The following CFAP299 variants were observed in gnomAD, a reference collection of about 807,000 sequenced individuals.
The protein encoded by CFAP299 is cilia- and flagella-associated protein 299.
Under a neutral mutation model 27.0 loss-of-function variants are expected in CFAP299, and 21 were observed. The observed-to-expected ratio is 0.78, with a 90% CI of 0.55 to 1.12. CFAP299 has a LOEUF of 1.12. CFAP299 is among the 50% of genes most tolerant of loss of function. The pLI, the probability that CFAP299 is intolerant of heterozygous loss-of-function variation, is 0.00. For missense variants in CFAP299, 310 were observed against 276.6 expected (o/e 1.12, Z -0.86); for synonymous variants, 104 against 98.1 (o/e 1.06, Z -0.36).
At chr4:80,713,430 A>G (rs1274640885) in intron 3 of CFAP299, among the ~76,000 whole-genome samples, 2 of 152,212 alleles carry the variant, frequency 1.3e-5, no homozygotes, top group Non-Finnish European at 2.9e-5. Flanking sequence ...AACTGTTCTT[A>G]TTCCATCATA....
intron 3 of CFAP299, among the ~76,000 whole-genome samples, chr4:80,724,840 T>G (rs1236920152): frequency 6.6e-6 from 1 of 151,798 alleles, no homozygotes; most frequent in East Asian, 1.9e-4. Context: ...TTTCTTTATT[T>G]CCTTCATTCC....
chr4:80,526,489 A>G (rs1342409563), intron 2 of CFAP299, among the ~76,000 whole-genome samples: 1 of 152,166 alleles, frequency 6.6e-6, no homozygotes, highest in Non-Finnish European at 1.5e-5. Context: ...ATATCTAAAT[A>G]AGTCATCTTC....
At chr4:80,647,807 C>T (rs1365755212) in intron 3 of CFAP299, among the ~76,000 whole-genome samples, 1 of 152,228 alleles carries the variant, frequency 6.6e-6, no homozygotes, top group Non-Finnish European at 1.5e-5. Flanking sequence ...GGCACAGTGG[C>T]TCATGCCTGT....
intron 3 of CFAP299, among the ~76,000 whole-genome samples, chr4:80,590,618 CAG>C (rs1278490872): frequency 6.6e-6 from 1 of 152,134 alleles, no homozygotes; most frequent in African/African-American, 2.4e-5. Flanking sequence ...GCCTGGATGA[CAG>C]AGTTGAGACT....
At chr4:80,909,101 C>T (rs534648634) in intron 4 of CFAP299, among the ~76,000 whole-genome samples, 1 of 152,174 alleles carries the variant, frequency 6.6e-6, no homozygotes, top group South Asian at 2.1e-4. Context: ...TTTACAAAAG[C>T]AAAACCTGTA....
intron 2 of CFAP299, among the ~76,000 whole-genome samples, chr4:80,376,359 T>C (rs1724409427): frequency 6.6e-6 from 1 of 152,244 alleles, no homozygotes; most frequent in Admixed American, 6.5e-5. Context: ...CTTTTCCAAA[T>C]AAACTTCCTG....
chr4:80,891,788 A>T (rs1184174771), intron 4 of CFAP299, among the ~76,000 whole-genome samples: 2 of 114,992 alleles, frequency 1.7e-5, no homozygotes, highest in African/African-American at 9.6e-5. Flanking sequence ...TAAAAAAAAA[A>T]TAAAAAAAAA....
chr4:80,678,395 C>T (rs748210088), intron 3 of CFAP299, among the ~76,000 whole-genome samples: 6 of 151,970 alleles, frequency 3.9e-5, no homozygotes, highest in Non-Finnish European at 7.4e-5. Context: ...TTCCTAGTTA[C>T]CTAATAAAGT....
At chr4:80,866,442 ACT>A (rs1024788823) in intron 3 of CFAP299, among the ~76,000 whole-genome samples, 28 of 152,102 alleles carry the variant, frequency 1.8e-4, no homozygotes, top group African/African-American at 6.8e-4. Context: ...TGCTCTACAT[ACT>A]TAAAGGAGAA....
intron 3 of CFAP299, among the ~76,000 whole-genome samples, chr4:80,632,864 G>T (rs1173652259): frequency 6.6e-6 from 1 of 151,970 alleles, no homozygotes; most frequent in Non-Finnish European, 1.5e-5. Context: ...TGAAGTAAAG[G>T]AAAGACCTTG....
At chr4:80,871,458 G>A in intron 4 of CFAP299, 1 of 985,324 alleles carries the variant, frequency 1.0e-6, no homozygotes. Context: ...ATAACTTATG[G>A]TTTCCAAACT....
At chr4:80,959,043 T>C (rs915755836) in intron 5 of CFAP299, among the ~76,000 whole-genome samples, 1 of 152,114 alleles carries the variant, frequency 6.6e-6, no homozygotes, top group African/African-American at 2.4e-5. Flanking sequence ...GAGTTTATAG[T>C]AAGAATAATG....
chr4:80,399,047 TC>T (rs141848636), intron 2 of CFAP299, among the ~76,000 whole-genome samples: 107,347 of 151,898 alleles, frequency 0.71, 39,057 homozygotes, highest in Admixed American at 0.79. Flanking sequence ...AACAGACACT[TC>T]TCAAAAGAAG....
chr4:80,690,977 C>T (rs1227421084), intron 3 of CFAP299, among the ~76,000 whole-genome samples: 1 of 148,954 alleles, frequency 6.7e-6, no homozygotes, highest in Non-Finnish European at 1.5e-5. Context: ...CATACACTAT[C>T]CCAAGACTAA....
intron 3 of CFAP299, among the ~76,000 whole-genome samples, chr4:80,674,940 T>A (rs1719331254): frequency 6.6e-6 from 1 of 152,170 alleles, no homozygotes; most frequent in Non-Finnish European, 1.5e-5. Context: ...TTTTCAAGGT[T>A]TTTAGCTTCC....
chr4:80,487,367 A>G (rs914476870), intron 2 of CFAP299, among the ~76,000 whole-genome samples: 1 of 152,226 alleles, frequency 6.6e-6, no homozygotes, highest in African/African-American at 2.4e-5. Context: ...TTTAATTTAC[A>G]GAGGCTATCA....
chr4:80,838,700 G>A (rs1054368685), intron 3 of CFAP299, among the ~76,000 whole-genome samples: 2 of 152,170 alleles, frequency 1.3e-5, no homozygotes, highest in African/African-American at 4.8e-5. Context: ...GTAGTGTGAT[G>A]CCTCCAGCCT....
intron 1 of CFAP299, among the ~76,000 whole-genome samples, chr4:80,357,800 T>A (rs1180980908): frequency 6.6e-6 from 1 of 152,142 alleles, no homozygotes; most frequent in East Asian, 1.9e-4. Flanking sequence ...TATTTGTTGA[T>A]CTTTTGAATT....
At chr4:80,578,457 C>T (rs1735988990) in intron 2 of CFAP299, among the ~76,000 whole-genome samples, 1 of 152,094 alleles carries the variant, frequency 6.6e-6, no homozygotes, top group Non-Finnish European at 1.5e-5. Context: ...AGATCCTTAT[C>T]CTCTCTGTCC....
Sources: gnomAD v4.1 joint callset for allele counts (sites outside exome capture counted in the v4.1 genomes callset) on GRCh38, gnomAD v4.1.1 for gene constraint, MANE v1.5 for transcripts, NCBI Gene and HGNC (gene_info 2026-07-23, HGNC 2026-07-21) for gene names.